Variants in KIF18A observed in about 807,000 individuals in gnomAD.
KIF18A encodes the protein kinesin family member 18A.
In KIF18A, 67 loss-of-function variants were observed where a neutral mutation model predicts 103.3. That is an observed-to-expected ratio of 0.65 (90% CI 0.53 to 0.79). The LOEUF (loss-of-function observed/expected upper bound fraction) is 0.79, where lower values mean the gene tolerates loss of function less well. KIF18A is among the 30% of genes least tolerant of loss of function. The pLI is 0.00. For missense variants in KIF18A, 1,032 were observed against 1,062.5 expected, an observed-to-expected ratio of 0.97 and a Z score of 0.40; for synonymous variants, 367 against 355.5, an observed-to-expected ratio of 1.03 and a Z score of -0.36.
chr11:28,083,269 G>A, intron 7 of KIF18A, 26 bp from the exon 8 acceptor site: 2 of 1,535,720 alleles, frequency 1.3e-6, no homozygotes, highest in Non-Finnish European at 1.7e-6. Flanking sequence ...AATTATGATT[G>A]TTTATAGAGA....
At position 28,059,020 on chromosome 11, in the gene KIF18A, G is replaced by T; in HGVS notation, c.1854C>A (p.Asp618Glu). ...VERKKVVVWA[D>E]QTAEQPKQND... ...TTTGCTTTGGTTGTTCGGCAGTTTGGTCAGCCCAAACTACCACTTTTTTCC... is the reference window on the plus strand; with the variant it reads ...TTTGCTTTGGTTGTTCGGCAGTTTGTTCAGCCCAAACTACCACTTTTTTCC... Residue 618 changes from aspartate (D) to glutamate (E), a missense_variant, in exon 13 of 17, where the codon GAC becomes GAA. Physicochemically the swap from Asp to Glu is conservative, Grantham distance 45 (BLOSUM62 2). Coordinates refer to ENST00000263181, the MANE Select transcript of KIF18A (RefSeq NM_031217.4). The T allele has an allele frequency of 6.2e-7, 1 of 1,614,032 alleles. No homozygotes were observed. Among genetic ancestry groups the T allele is most frequent in the Non-Finnish European group, 8.5e-7 (1 of 1,179,964 alleles).
At position 28,036,446 on chromosome 11, in the gene KIF18A, T is replaced by C; in HGVS notation, c.2167A>G (p.Met723Val). ...CTTGTAGTAAATGATGATGGTTTCA[T>C]TAAGGTTACTGTAGACGGATTTTGA... is the stretch of plus-strand genomic sequence containing the variant. The part of the protein sequence containing the change: ...AFQNPSTVTL[M>V]KPSSFTTSFQ... The change falls in exon 14 of 17, where the codon ATG (methionine) becomes GTG (valine). Residue 723 changes from methionine (M) to valine (V), a missense_variant. By Grantham distance (21) the Met-to-Val change is conservative. Transcript: ENST00000263181. 1 of 1,610,906 alleles carries C rather than the reference T, an allele frequency of 6.2e-7. No individual in the cohort carries two copies. The highest frequency in any genetic ancestry group is 8.5e-7 in the Non-Finnish European group (1 of 1,177,902).
At chr11:28,033,130 A>C (rs1392090614) in intron 15 of KIF18A, among the ~76,000 whole-genome samples, 1 of 151,888 alleles carries the variant, frequency 6.6e-6, no homozygotes, top group Non-Finnish European at 1.5e-5. Flanking sequence ...TGATTATCAG[A>C]AAAATGTAAA....
chr11:28,047,400 T>C (rs1257867879), intron 13 of KIF18A, among the ~76,000 whole-genome samples: 3 of 152,182 alleles, frequency 2.0e-5, no homozygotes, highest in Non-Finnish European at 1.5e-5. Flanking sequence ...ATGGGAATTA[T>C]ATAGTTTAGC....
intron 11 of KIF18A, among the ~76,000 whole-genome samples, chr11:28,068,917 TAC>T (rs900950547): frequency 2.6e-5 from 4 of 152,142 alleles, no homozygotes; most frequent in Admixed American, 1.3e-4. Flanking sequence ...TATCTTCAGT[TAC>T]ACACACACAC....
rs184260978 is a variant in KIF18A at position 28,097,611 on chromosome 11, T to C, written c.325+12A>G. On this transcript the variant is annotated intron_variant, in intron 2 of 16. Transcript: ENST00000263181. ...CGGATAGAGAAATTAAATCCCAAATTGAAACAAATACCTGTGCAATTATAT... is the reference window on the plus strand; with the variant it reads ...CGGATAGAGAAATTAAATCCCAAATCGAAACAAATACCTGTGCAATTATAT... 2 of 1,533,774 alleles carry C rather than the reference T, an allele frequency of 1.3e-6. No individual in the cohort carries two copies. Among genetic ancestry groups the C allele is most frequent in the African/African-American group, 2.7e-5 (2 of 73,308 alleles).
rs1375935851 is a variant in KIF18A at position 28,097,800 on chromosome 11, C to T, written c.148G>A (p.Glu50Lys). 6.2e-7 allele frequency: 1 copy of T among 1,613,188 alleles called. No individual in the cohort carries two copies. Among genetic ancestry groups the T allele is most frequent in the Non-Finnish European group, 8.5e-7 (1 of 1,179,500 alleles). ...HILVFDPKQEEVSFFHGKKTT... is the reference protein window; with the variant it reads ...HILVFDPKQEKVSFFHGKKTT... ...TTCTTTCCATGGAAAAAACTGACTT[C>T]TTCTTGTTTGGGATCAAAAACTAGG... The change falls in exon 2 of 17, where the codon GAA (glutamate) becomes AAA (lysine). Residue 50 changes from glutamate to lysine, a missense_variant. Transcript: ENST00000263181.
At chr11:28,056,168 T>G (rs1020334907) in intron 13 of KIF18A, among the ~76,000 whole-genome samples, 3 of 151,630 alleles carry the variant, frequency 2.0e-5, no homozygotes, top group Non-Finnish European at 4.4e-5. Flanking sequence ...CATGTTTTTT[T>G]TTTTTTTGAT....
At position 28,062,453 on chromosome 11, in the gene KIF18A, T is replaced by G; in HGVS notation, c.1654A>C (p.Ile552Leu). 4 of 1,612,024 alleles carry G rather than the reference T, an allele frequency of 2.5e-6. No individual in the cohort carries two copies. The change falls in exon 12 of 17, where the codon ATT (isoleucine) becomes CTT (leucine). Residue 552 changes from isoleucine to leucine, a missense_variant. Transcript: ENST00000263181. ...HLQNKDLKAQ[I>L]RHMMDLACLQ... ...CAAGCTAGATCCATCATATGTCTAATTTGTGCTTTCAAATCTTTGTTCTGG... is the reference window on the plus strand; with the variant it reads ...CAAGCTAGATCCATCATATGTCTAAGTTGTGCTTTCAAATCTTTGTTCTGG...
chr11:28,035,381 T>A lies in KIF18A; in HGVS notation c.2504+6A>T. 6.5e-7 allele frequency: 1 copy of A among 1,543,478 alleles called. No individual in the cohort carries two copies. Among genetic ancestry groups the A allele is most frequent in the Non-Finnish European group, 8.9e-7 (1 of 1,122,320 alleles). On this transcript the variant is annotated splice_donor_region_variant and intron_variant, in intron 15 of 16. Transcript: ENST00000263181. ...CAGAACCAAACCAGTTTATGTTTAA[T>A]CATACCTTGTTAATTTCCGTTTCCT...
At chr11:28,026,178 A>G (rs1311257920) in intron 15 of KIF18A, among the ~76,000 whole-genome samples, 2 of 151,876 alleles carry the variant, frequency 1.3e-5, no homozygotes, top group African/African-American at 4.8e-5. Context: ...TAAAAATCTA[A>G]TATACTCAAT....
Position 28,036,214 on chromosome 11 carries a change from TACCG to T in KIF18A, c.2395_2396+2del, listed in dbSNP as rs1213677912. On this transcript the variant is annotated splice_donor_variant and coding_sequence_variant, in exon 14 of 17. Transcript: ENST00000263181. LOFTEE classifies it high-confidence loss of function. ...AGAATTGGCAAATATTATTTTTTTG[TACCG>T]TTGTAAAATGTCTTTGTTATCATTT... is the stretch of plus-strand genomic sequence containing the variant. The T allele has an allele frequency of 2.6e-6, 4 of 1,538,328 alleles. No homozygotes were observed. The highest frequency in any genetic ancestry group is 2.1e-5 in the Admixed American group (1 of 48,458).
chr11:28,073,974 A>T (rs1446303270), intron 10 of KIF18A, among the ~76,000 whole-genome samples: 1 of 152,096 alleles, frequency 6.6e-6, no homozygotes, highest in Admixed American at 6.6e-5. Flanking sequence ...ATTGACACTT[A>T]TATAATCTAC....
At chr11:28,021,863 T>C (rs566885689) in intron 16 of KIF18A, among the ~76,000 whole-genome samples, 77 of 152,196 alleles carry the variant, frequency 5.1e-4, no homozygotes, top group Non-Finnish European at 9.1e-4. Context: ...CAGGGTGCCA[T>C]TGACTTTTTT....
At chr11:28,100,814 C>T (rs1363372184) in intron 1 of KIF18A, among the ~76,000 whole-genome samples, 1 of 152,024 alleles carries the variant, frequency 6.6e-6, no homozygotes, top group African/African-American at 2.4e-5. Flanking sequence ...AGTCAGGTCC[C>T]AGGTGAATTA....
intron 15 of KIF18A, among the ~76,000 whole-genome samples, chr11:28,024,324 CTAAT>C (rs1850285984): frequency 6.6e-6 from 1 of 151,636 alleles, no homozygotes; most frequent in Admixed American, 6.6e-5. Flanking sequence ...ATAAAAATCT[CTAAT>C]TATTACAATC....
Position 28,090,705 on chromosome 11 carries a change from A to G in KIF18A, c.611T>C (p.Leu204Ser). 6.2e-7 allele frequency: 1 copy of G among 1,604,026 alleles called. No individual in the cohort carries two copies. Among genetic ancestry groups the G allele is most frequent in the Non-Finnish European group, 8.5e-7 (1 of 1,172,046 alleles). Residue 204 changes from leucine to serine, a missense_variant, in exon 5 of 17, where the codon TTA becomes TCA. Leu to Ser is a moderately radical substitution (Grantham distance 145). Coordinates refer to ENST00000263181, the MANE Select transcript of KIF18A (RefSeq NM_031217.4). ...TTTGTTTCCATTATCCAATAAATGT[A>G]AAATTTCTTCTGAGGATTTGGGCTG... is the stretch of plus-strand genomic sequence containing the variant. ...LHQPKSSEEILHLLDNGNKNR... is the reference protein window; with the variant it reads ...LHQPKSSEEISHLLDNGNKNR...
chr11:28,033,721 C>T (rs1002905643), intron 15 of KIF18A, among the ~76,000 whole-genome samples: 7 of 150,538 alleles, frequency 4.6e-5, no homozygotes, highest in Non-Finnish European at 7.4e-5. Context: ...AAGGGTTTTT[C>T]GGGAGATTGG....
chr11:28,070,541 C>T (rs754861878), intron 10 of KIF18A, among the ~76,000 whole-genome samples: 2 of 152,280 alleles, frequency 1.3e-5, no homozygotes, highest in East Asian at 1.9e-4. Flanking sequence ...TGATAGCCAC[C>T]GTCATTCTCA....
Sources: allele counts gnomAD v4.1 joint callset (sites outside exome capture counted in the v4.1 genomes callset), GRCh38; gene constraint gnomAD v4.1.1; transcripts MANE v1.5; gene names NCBI Gene and HGNC (gene_info 2026-07-23, HGNC 2026-07-21).